Variants in GALNTL6 observed in about 807,000 individuals in gnomAD.
GALNTL6 encodes the protein polypeptide N-acetylgalactosaminyltransferase-like 6.
In GALNTL6, 46 loss-of-function variants were observed where a neutral mutation model predicts 73.7. The ratio of observed to expected loss-of-function variants is 0.62; its 90% CI spans 0.49 to 0.80. The LOEUF (loss-of-function observed/expected upper bound fraction) is 0.80, where lower values mean the gene tolerates loss of function less well. Among genes scored for constraint, GALNTL6 ranks in the 30% least tolerant of loss-of-function variants. GALNTL6 has a pLI of 0.00. For synonymous variants in GALNTL6, 259 were observed against 263.7 expected (o/e 0.98, Z 0.17); for missense variants, 604 against 755.0 (o/e 0.80, Z 2.34).
intron 5 of GALNTL6, among the ~76,000 whole-genome samples, chr4:172,558,121 G>A (rs1004358916): frequency 5.9e-5 from 9 of 152,110 alleles, no homozygotes; most frequent in African/African-American, 2.2e-4. Flanking sequence ...TAGATATTAT[G>A]ATATGCAAAA....
chr4:172,896,564 C>A (rs535260631), intron 8 of GALNTL6, among the ~76,000 whole-genome samples: 1 of 151,978 alleles, frequency 6.6e-6, no homozygotes, highest in South Asian at 2.1e-4. Context: ...CCTGCACAGG[C>A]AGGATGGATC....
At chr4:172,863,072 G>A (rs1744479972) in intron 7 of GALNTL6, among the ~76,000 whole-genome samples, 1 of 152,240 alleles carries the variant, frequency 6.6e-6, no homozygotes, top group South Asian at 2.1e-4. Flanking sequence ...CAGAAGTCAA[G>A]AACTCAGGTT....
intron 2 of GALNTL6, among the ~76,000 whole-genome samples, chr4:172,121,338 T>C (rs1733146673): frequency 6.6e-6 from 1 of 151,540 alleles, no homozygotes; most frequent in Non-Finnish European, 1.5e-5. Flanking sequence ...GTTTTTGCAG[T>C]CTTCTGTGAT....
At chr4:172,475,984 G>A (rs1733216580) in intron 5 of GALNTL6, among the ~76,000 whole-genome samples, 1 of 152,120 alleles carries the variant, frequency 6.6e-6, no homozygotes, top group Non-Finnish European at 1.5e-5. Context: ...AATTTTTTTA[G>A]TGAATTAAAG....
chr4:173,010,366 G>GCTTCTT (rs1325044112), intron 11 of GALNTL6, among the ~76,000 whole-genome samples: 1 of 152,058 alleles, frequency 6.6e-6, no homozygotes, highest in Non-Finnish European at 1.5e-5. Flanking sequence ...TGGCTGAATA[G>GCTTCTT]TACTCCATTA....
At chr4:172,710,473 A>C (rs969914650) in intron 5 of GALNTL6, among the ~76,000 whole-genome samples, 1 of 152,186 alleles carries the variant, frequency 6.6e-6, no homozygotes, top group Non-Finnish European at 1.5e-5. Flanking sequence ...TTTCCCACCC[A>C]GTGTCAACAG....
At chr4:171,819,446 T>G (rs1190818953) in intron 2 of GALNTL6, among the ~76,000 whole-genome samples, 1 of 152,150 alleles carries the variant, frequency 6.6e-6, no homozygotes, top group Non-Finnish European at 1.5e-5. Flanking sequence ...CATTTCTGAG[T>G]TGGACAAGCT....
chr4:173,039,197 T>A (rs1325059901), intron 12 of GALNTL6, among the ~76,000 whole-genome samples: 1 of 152,218 alleles, frequency 6.6e-6, no homozygotes, highest in African/African-American at 2.4e-5. Flanking sequence ...TTAAAATGAA[T>A]GTTGCCTCCT....
At chr4:172,407,230 T>C (rs978362518) in intron 5 of GALNTL6, among the ~76,000 whole-genome samples, 2 of 152,054 alleles carry the variant, frequency 1.3e-5, no homozygotes, top group African/African-American at 4.8e-5. Context: ...TATTATCCAA[T>C]ATGCACTTCA....
At chr4:172,408,322 A>G (rs1278491294) in intron 5 of GALNTL6, among the ~76,000 whole-genome samples, 1 of 152,014 alleles carries the variant, frequency 6.6e-6, no homozygotes, top group African/African-American at 2.4e-5. Flanking sequence ...TTTTATACCT[A>G]TACCTGTACA....
intron 2 of GALNTL6, among the ~76,000 whole-genome samples, chr4:172,168,355 C>T (rs1206877782): frequency 6.6e-6 from 1 of 152,150 alleles, no homozygotes; most frequent in African/African-American, 2.4e-5. Context: ...AATCTCTGCT[C>T]ACTGTAATCT....
intron 2 of GALNTL6, among the ~76,000 whole-genome samples, chr4:171,974,102 C>T (rs944849519): frequency 3.9e-5 from 6 of 152,090 alleles, no homozygotes; most frequent in Admixed American, 6.6e-5. Context: ...CAGGCCCAAG[C>T]GATTCTTGTG....
intron 12 of GALNTL6, among the ~76,000 whole-genome samples, chr4:173,033,560 T>A (rs1242342115): frequency 6.6e-6 from 1 of 152,160 alleles, no homozygotes; most frequent in Non-Finnish European, 1.5e-5. Flanking sequence ...ATCAACCTTG[T>A]TCTTCTGCAC....
chr4:172,290,371 T>C (rs1338211557), intron 3 of GALNTL6, among the ~76,000 whole-genome samples: 1 of 152,162 alleles, frequency 6.6e-6, no homozygotes, highest in African/African-American at 2.4e-5. Flanking sequence ...TTGTGGCTAG[T>C]TCTGTAAAGA....
chr4:172,815,067 G>C (rs779115583), intron 7 of GALNTL6, among the ~76,000 whole-genome samples: 1 of 152,158 alleles, frequency 6.6e-6, no homozygotes, highest in Admixed American at 6.5e-5. Context: ...ATAAGCATTT[G>C]AAGTGAGCTT....
intron 4 of GALNTL6, among the ~76,000 whole-genome samples, chr4:172,335,966 T>C (rs1207484624): frequency 6.6e-6 from 1 of 152,140 alleles, no homozygotes; most frequent in African/African-American, 2.4e-5. Context: ...TTTTAGTTAT[T>C]TATTTTCTTC....
chr4:172,378,543 G>A (rs148429365), intron 5 of GALNTL6, among the ~76,000 whole-genome samples: 4 of 152,072 alleles, frequency 2.6e-5, no homozygotes, highest in Admixed American at 1.3e-4. Flanking sequence ...GATGGAATTC[G>A]AATTAACCAT....
Position 171,969,396 on chromosome 4 carries a change from A to C in GALNTL6, c.138+154678A>C, listed in dbSNP as rs189670246. Among the ~76,000 whole-genome samples, 237 of 152,318 alleles carry C rather than the reference A, an allele frequency of 1.6e-3. 1 individual carries two copies. Among genetic ancestry groups the C allele is most frequent in the Admixed American group, 7.1e-3 (109 of 15,302 alleles). ...CAAGGCCTGAGGCAAGGATTACATCACCATGTGTATACAGAGCATTATCCG... is the reference window on the plus strand; with the variant it reads ...CAAGGCCTGAGGCAAGGATTACATCCCCATGTGTATACAGAGCATTATCCG... On this transcript the variant is annotated intron_variant, in intron 2 of 12. Transcript: ENST00000506823.
At chr4:172,049,288 T>C (rs576687337) in intron 2 of GALNTL6, among the ~76,000 whole-genome samples, 32 of 152,302 alleles carry the variant, frequency 2.1e-4, no homozygotes, top group African/African-American at 7.5e-4. Context: ...TTTGTTCTCC[T>C]TATTAGAAAC....
Sources: allele counts gnomAD v4.1 joint callset (sites outside exome capture counted in the v4.1 genomes callset), GRCh38; gene constraint gnomAD v4.1.1; transcripts MANE v1.5; gene names NCBI Gene and HGNC (gene_info 2026-07-23, HGNC 2026-07-21).